FBXL7: variants seen among roughly 807,000 people sequenced by gnomAD.
The protein encoded by FBXL7 is F-box/LRR-repeat protein 7.
A neutral mutation model predicts 38.3 loss-of-function variants in FBXL7; 12 were observed. The ratio of observed to expected loss-of-function variants is 0.31; its 90% CI spans 0.20 to 0.51. FBXL7 has a LOEUF of 0.51. FBXL7 is among the 20% of genes least tolerant of loss of function. FBXL7 has a pLI of 0.98. For missense variants in FBXL7, 567 were observed against 676.4 expected, an observed-to-expected ratio of 0.84 and a Z score of 1.79; for synonymous variants, 297 against 300.9, an observed-to-expected ratio of 0.99 and a Z score of 0.13.
intron 2 of FBXL7, among the ~76,000 whole-genome samples, chr5:15,785,331 G>A (rs182909959): frequency 3.9e-5 from 6 of 152,242 alleles, no homozygotes; most frequent in African/African-American, 1.4e-4. Flanking sequence ...CTTGGTTAAT[G>A]TGACCATGAT....
chr5:15,569,497 C>T (rs1474014977), intron 1 of FBXL7, among the ~76,000 whole-genome samples: 36 of 151,184 alleles, frequency 2.4e-4, no homozygotes, highest in Middle Eastern at 3.5e-3. Flanking sequence ...TGGGCTGAGA[C>T]GATGGGGTTT....
intron 2 of FBXL7, among the ~76,000 whole-genome samples, chr5:15,874,797 A>G (rs1740128499): frequency 6.6e-6 from 1 of 152,234 alleles, no homozygotes; most frequent in South Asian, 2.1e-4. Context: ...TTCCATGCTC[A>G]TGGATAGGAA....
intron 1 of FBXL7, among the ~76,000 whole-genome samples, chr5:15,558,702 T>G (rs1738324036): frequency 1.3e-5 from 2 of 152,248 alleles, no homozygotes. Context: ...TATTTGAAAT[T>G]AAACCCACAT....
chr5:15,685,145 C>A (rs1742976883), intron 2 of FBXL7, among the ~76,000 whole-genome samples: 1 of 152,066 alleles, frequency 6.6e-6, no homozygotes, highest in Non-Finnish European at 1.5e-5. Context: ...AACAGAATTG[C>A]CTTTTTCTTG....
At position 15,766,043 on chromosome 5, in the gene FBXL7, TCTACCTACCTAC is replaced by T. The variant is rs140480289; in HGVS notation, c.127+149991_127+150002del. Among the ~76,000 whole-genome samples the T allele has an allele frequency of 5.3e-4, 78 of 147,260 alleles. 1 individual carries two copies. The highest frequency in any genetic ancestry group is 2.8e-3 in the Admixed American group (41 of 14,500). ...GTCTGTCTGTCTGTCTGTCTGTCTA[TCTACCTACCTAC>T]CTACCTACCTACCTACCTAACAGCA... On this transcript the variant is annotated intron_variant, in intron 2 of 3. Coordinates refer to ENST00000504595, the MANE Select transcript of FBXL7 (RefSeq NM_012304.5).
chr5:15,802,137 G>C (rs1011564616), intron 2 of FBXL7, among the ~76,000 whole-genome samples: 7 of 151,968 alleles, frequency 4.6e-5, no homozygotes, highest in Non-Finnish European at 1.0e-4. Context: ...ATCTATCTTG[G>C]ATCTTAGTAC....
intron 2 of FBXL7, among the ~76,000 whole-genome samples, chr5:15,787,574 G>T (rs907981220): frequency 6.6e-6 from 1 of 152,220 alleles, no homozygotes; most frequent in African/African-American, 2.4e-5. Flanking sequence ...ATTGTGGTCA[G>T]AAATACAGAG....
At chr5:15,759,784 C>G (rs549105941) in intron 2 of FBXL7, among the ~76,000 whole-genome samples, 1 of 152,244 alleles carries the variant, frequency 6.6e-6, no homozygotes, top group South Asian at 2.1e-4. Flanking sequence ...ACAAAATAGA[C>G]AAAGTCTCTG....
At chr5:15,881,064 T>G (rs10061473) in intron 2 of FBXL7, among the ~76,000 whole-genome samples, 5,723 of 152,232 alleles carry the variant, frequency 0.038, 321 homozygotes, top group African/African-American at 0.12. Flanking sequence ...TTTTGTTTTT[T>G]GGGAACAGGT....
In FBXL7 at chr5:15,928,108, C is replaced by T. The variant is rs768251957; in HGVS notation, c.346C>T (p.Arg116Trp). The T allele has an allele frequency of 1.7e-5, 27 of 1,611,774 alleles. No individual in the cohort carries two copies. The South Asian group carries it at 2.3e-4, about 14-fold the overall frequency. Residue 116 changes from arginine to tryptophan, a missense_variant, in exon 3 of 4, where the codon CGG becomes TGG. Physicochemically the swap from Arg to Trp is moderately radical, Grantham distance 101. Coordinates refer to ENST00000504595, the MANE Select transcript of FBXL7 (RefSeq NM_012304.5). This position sits in a 1 kb window ranked among gnomAD's most constrained non-coding sequence, Gnocchi z 4.0. ...RPQKEQASIDRLPDHSMVQIF... is the reference protein window; with the variant it reads ...RPQKEQASIDWLPDHSMVQIF... The stretch of plus-strand genomic sequence containing the variant: ...CCAGAAGGAGCAGGCCAGCATAGAC[C>T]GGCTCCCGGACCACTCCATGGTGCA...
chr5:15,649,548 A>T (rs1741639560), intron 2 of FBXL7, among the ~76,000 whole-genome samples: 1 of 152,128 alleles, frequency 6.6e-6, no homozygotes, highest in African/African-American at 2.4e-5. Flanking sequence ...TGGCAGGATA[A>T]CTCTAAGCTA....
chr5:15,563,264 C>A (rs1738468409), intron 1 of FBXL7, among the ~76,000 whole-genome samples: 1 of 152,138 alleles, frequency 6.6e-6, no homozygotes, highest in Admixed American at 6.6e-5. Context: ...CTAACACTTG[C>A]TTGAGCAAGT....
chr5:15,828,605 G>C (rs936337256), intron 2 of FBXL7, among the ~76,000 whole-genome samples: 2 of 152,278 alleles, frequency 1.3e-5, no homozygotes, highest in African/African-American at 2.4e-5. Flanking sequence ...ACTCTGCACT[G>C]TAGGCTCAGG....
intron 2 of FBXL7, among the ~76,000 whole-genome samples, chr5:15,832,787 A>G (rs889333569): frequency 2.6e-5 from 4 of 152,196 alleles, no homozygotes; most frequent in Non-Finnish European, 5.9e-5. Context: ...TGGGCTGCCT[A>G]TAACAAAATA....
At chr5:15,845,972 AAAAAAT>A (rs1221598851) in intron 2 of FBXL7, among the ~76,000 whole-genome samples, 3 of 152,258 alleles carry the variant, frequency 2.0e-5, no homozygotes, top group African/African-American at 7.2e-5. Flanking sequence ...ACTCCGTCTC[AAAAAAT>A]AAAAATAAAA....
In FBXL7 at chr5:15,692,483, T is replaced by C. The variant is rs150781537; in HGVS notation, c.127+76411T>C. Among the ~76,000 whole-genome samples, 303 of 152,320 alleles carry C rather than the reference T, an allele frequency of 2.0e-3. 1 individual carries two copies. The highest frequency in any genetic ancestry group is 6.6e-3 in the African/African-American group (273 of 41,570). The stretch of plus-strand genomic sequence containing the variant: ...AAGCTATTCATTTAATATCTTTGCT[T>C]GCCTCTCAGTTTTTCTCTTAGATGA... On this transcript the variant is annotated intron_variant, in intron 2 of 3. Transcript: ENST00000504595.
intron 2 of FBXL7, among the ~76,000 whole-genome samples, chr5:15,650,881 TA>T (rs1397203847): frequency 6.6e-6 from 1 of 152,152 alleles, no homozygotes; most frequent in African/African-American, 2.4e-5. Flanking sequence ...CAACTTTCTC[TA>T]ATAAATGCTA....
intron 2 of FBXL7, among the ~76,000 whole-genome samples, chr5:15,692,854 AG>A (rs1361909054): frequency 1.3e-5 from 2 of 152,184 alleles, no homozygotes; most frequent in African/African-American, 4.8e-5. Flanking sequence ...AGAATGAGGA[AG>A]GGAGAGAGTG....
chr5:15,772,280 G>T (rs778627754), intron 2 of FBXL7, among the ~76,000 whole-genome samples: 6 of 152,150 alleles, frequency 3.9e-5, no homozygotes, highest in Non-Finnish European at 7.3e-5. Flanking sequence ...ACAGTTTACA[G>T]GTGCTCGCAT....
Sources: gnomAD v4.1 joint callset for allele counts (sites outside exome capture counted in the v4.1 genomes callset) on GRCh38, gnomAD v4.1.1 for gene constraint, Gnocchi (gnomAD v3.1) non-coding constraint, MANE v1.5 for transcripts, NCBI Gene and HGNC (gene_info 2026-07-23, HGNC 2026-07-21) for gene names.